Variants in CHD6 observed in about 807,000 individuals in gnomAD.
CHD6 encodes the protein ATP-dependent chromatin remodeler CHD6.
A neutral mutation model predicts 276.9 loss-of-function variants in CHD6; 50 were observed. That is an observed-to-expected ratio of 0.18 (90% CI 0.14 to 0.23). The LOEUF is 0.23. CHD6 is among the 10% of genes least tolerant of loss of function. The probability of loss-of-function intolerance (pLI) is 1.00; values close to 1 mark genes in which losing one functional copy is unlikely to be tolerated. For missense variants in CHD6, 2,564 were observed against 3,365.8 expected, an observed-to-expected ratio of 0.76 and a Z score of 5.89; for synonymous variants, 1,173 against 1,229.3, an observed-to-expected ratio of 0.95 and a Z score of 0.96.
chr20:41,468,294 G>C (rs935573227), intron 17 of CHD6, among the ~76,000 whole-genome samples: 1 of 152,004 alleles, frequency 6.6e-6, no homozygotes, highest in Non-Finnish European at 1.5e-5. Flanking sequence ...ATTTTTAGTA[G>C]AGACAGCATT....
chr20:41,497,154 G>A (rs1601009730), intron 8 of CHD6: 2 of 490,826 alleles, frequency 4.1e-6, no homozygotes, highest in East Asian at 7.5e-5. Flanking sequence ...TTCAGACCAA[G>A]ATGCACGCCG....
intron 5 of CHD6, among the ~76,000 whole-genome samples, chr20:41,512,128 C>T (rs2044133146): frequency 7.6e-6 from 1 of 131,904 alleles, no homozygotes; most frequent in South Asian, 2.3e-4. Flanking sequence ...CCACCATGCC[C>T]AGCTAATTTT....
At chr20:41,467,586 A>AT (rs2042954522) in intron 17 of CHD6, among the ~76,000 whole-genome samples, 1 of 141,142 alleles carries the variant, frequency 7.1e-6, no homozygotes, top group Non-Finnish European at 1.5e-5. Context: ...AAAAAAAAAA[A>AT]GGCTGGGTGT....
intron 5 of CHD6, among the ~76,000 whole-genome samples, chr20:41,500,287 C>T (rs1028475691): frequency 1.3e-5 from 2 of 152,248 alleles, no homozygotes; most frequent in South Asian, 4.2e-4. Flanking sequence ...TCAGTCTACC[C>T]ATTCTAGGGT....
rs1325947307 is a variant in CHD6, at chr20:41,423,684, G to C, written c.4363C>G (p.Gln1455Glu). 2 of 1,614,080 alleles carry C rather than the reference G, an allele frequency of 1.2e-6. No homozygotes were observed. The highest frequency in any genetic ancestry group is 1.3e-5 in the African/African-American group (1 of 75,058). ...GACACTGTTCTATAGAAGTCTGCTTGTTCTCTCCTAGTCCACCTTGAGATT... is the reference window on the plus strand; with the variant it reads ...GACACTGTTCTATAGAAGTCTGCTTCTTCTCTCCTAGTCCACCTTGAGATT... ...EAQKRWTRRE[Q>E]ADFYRTVSSF... The change falls in exon 30 of 37, where the codon CAA becomes GAA. Residue 1455 changes from glutamine to glutamate, a missense_variant. By Grantham distance (29) the Gln-to-Glu change is conservative. Coordinates refer to ENST00000373233, the MANE Select transcript of CHD6 (RefSeq NM_032221.5).
In CHD6 at chr20:41,587,061, T is replaced by C. The variant is rs183257355; in HGVS notation, c.-24+31279A>G. Among the ~76,000 whole-genome samples, 8 of 152,236 alleles carry C rather than the reference T, an allele frequency of 5.3e-5. No individual in the cohort carries two copies. The East Asian group carries it at 5.8e-4, about 11-fold the overall frequency. The stretch of plus-strand genomic sequence containing the variant: ...GCACTTGACATAACTAATCATAACA[T>C]AGAAAATTCCAAAGAATCTATAAAA... On this transcript the variant is annotated intron_variant, in intron 1 of 36. Transcript: ENST00000373233.
intron 16 of CHD6, among the ~76,000 whole-genome samples, chr20:41,475,662 TC>T (rs1003916482): frequency 6.6e-6 from 1 of 151,554 alleles, no homozygotes. Flanking sequence ...AACAGCCATT[TC>T]CCCCCCTCTA....
chr20:41,617,623 C>CT (rs35786085), intron 1 of CHD6, among the ~76,000 whole-genome samples: 1 of 152,142 alleles, frequency 6.6e-6, no homozygotes, highest in Non-Finnish European at 1.5e-5. Context: ...ACAGATAGAT[C>CT]TTTTTTTAAA....
At chr20:41,589,763 G>A (rs990685919) in intron 1 of CHD6, among the ~76,000 whole-genome samples, 15 of 152,194 alleles carry the variant, frequency 9.9e-5, no homozygotes. Flanking sequence ...TGGATAGGAA[G>A]AATCAATATC....
At chr20:41,562,750 G>A (rs760592098) in intron 1 of CHD6, among the ~76,000 whole-genome samples, 1 of 152,144 alleles carries the variant, frequency 6.6e-6, no homozygotes, top group African/African-American at 2.4e-5. Context: ...GACAGGGACC[G>A]TATCTATTTT....
intron 2 of CHD6, among the ~76,000 whole-genome samples, chr20:41,541,030 T>C (rs1214067417): frequency 3.6e-5 from 5 of 138,954 alleles, no homozygotes; most frequent in Non-Finnish European, 7.6e-5. Flanking sequence ...ATACTAAATG[T>C]AGAAAAAAAA....
At chr20:41,489,648 G>A (rs1395804924) in intron 12 of CHD6, 130 bp downstream of exon 12, 17 of 1,217,104 alleles carry the variant, frequency 1.4e-5, no homozygotes, top group African/African-American at 4.5e-5. Context: ...AGTCAGCCTT[G>A]ACAAACATAT....
chr20:41,446,009 A>C (rs2048056333), intron 24 of CHD6, among the ~76,000 whole-genome samples: 1 of 152,130 alleles, frequency 6.6e-6, no homozygotes, highest in Admixed American at 6.5e-5. Flanking sequence ...GTCTTGAAGC[A>C]CCTCTTGGAG....
rs115036389 is a variant in CHD6, at chr20:41,511,281, G to C, written c.852+1565C>G. 2.9e-3 allele frequency among the ~76,000 whole-genome samples: 438 copies of C among 152,358 alleles called. 2 individuals carry two copies. Among genetic ancestry groups the C allele is most frequent in the African/African-American group, 9.7e-3 (405 of 41,590 alleles). On this transcript the variant is annotated intron_variant, in intron 5 of 36. Transcript: ENST00000373233. Reference sequence around the variant, plus strand: ...CTCCATACAGTGTGAATTCTGCCAAGTCAGCAACAGTGACTCCATAACAAC... The same window carrying C: ...CTCCATACAGTGTGAATTCTGCCAACTCAGCAACAGTGACTCCATAACAAC...
At chr20:41,414,705 C>T (rs1393004847) in intron 34 of CHD6, 2 of 412,030 alleles carry the variant, frequency 4.9e-6, no homozygotes, top group Non-Finnish European at 7.1e-6. Context: ...ATGCTGTTGC[C>T]CCACTTTACA....
chr20:41,521,556 T>C (rs1173978379), intron 3 of CHD6, among the ~76,000 whole-genome samples: 3 of 152,140 alleles, frequency 2.0e-5, no homozygotes, highest in African/African-American at 7.2e-5. Context: ...ACATATAATA[T>C]GTGTGTAGAT....
At chr20:41,516,525 G>A (rs768243803) in intron 3 of CHD6, among the ~76,000 whole-genome samples, 4 of 152,112 alleles carry the variant, frequency 2.6e-5, no homozygotes, top group African/African-American at 7.2e-5. Flanking sequence ...GAGGCATGGC[G>A]AGGTTAAGTT....
At chr20:41,547,367 G>A (rs1052914378) in intron 2 of CHD6, 3 of 216,266 alleles carry the variant, frequency 1.4e-5, no homozygotes, top group African/African-American at 2.3e-5. Context: ...AGGCCAAGGT[G>A]CAACTTCTTT....
At chr20:41,567,575 C>T (rs1055591205) in intron 1 of CHD6, among the ~76,000 whole-genome samples, 1 of 151,578 alleles carries the variant, frequency 6.6e-6, no homozygotes, top group Non-Finnish European at 1.5e-5. Context: ...TCAGTGTGCA[C>T]GTCCATGGTG....
Sources: allele counts gnomAD v4.1 joint callset (sites outside exome capture counted in the v4.1 genomes callset), GRCh38; gene constraint gnomAD v4.1.1; transcripts MANE v1.5; gene names NCBI Gene and HGNC (gene_info 2026-07-23, HGNC 2026-07-21).